Variants in AQR observed in about 807,000 individuals in gnomAD.
AQR encodes aquarius intron-binding spliceosomal factor.
AQR carries 61 observed loss-of-function variants against 180.5 expected under a neutral mutation model. That is an observed-to-expected ratio of 0.34 (90% CI 0.28 to 0.42). The LOEUF (loss-of-function observed/expected upper bound fraction) is 0.42, where lower values mean the gene tolerates loss of function less well. Among genes scored for constraint, AQR ranks in the 10% least tolerant of loss-of-function variants. The probability of loss-of-function intolerance (pLI) is 1.00; values close to 1 mark genes in which losing one functional copy is unlikely to be tolerated. For synonymous variants in AQR, 551 were observed against 588.8 expected, an observed-to-expected ratio of 0.94 and a Z score of 0.93; for missense variants, 1,281 against 1,798.3, an observed-to-expected ratio of 0.71 and a Z score of 5.20.
At chr15:34,937,712 C>G (rs1314279002) in intron 9 of AQR, among the ~76,000 whole-genome samples, 1 of 151,384 alleles carries the variant, frequency 6.6e-6, no homozygotes, top group Non-Finnish European at 1.5e-5. Flanking sequence ...GGTAAAACCT[C>G]GTCTCTACTA....
intron 6 of AQR, 101 bp downstream of exon 6, chr15:34,944,187 T>C: frequency 1.8e-6 from 2 of 1,139,198 alleles, no homozygotes; most frequent in Non-Finnish European, 1.2e-6. Context: ...TTGCCTGCTA[T>C]TATGGATGAA....
At position 34,857,045 on chromosome 15, in the gene AQR, G is replaced by A; in HGVS notation, c.4205C>T (p.Thr1402Ile). The A allele has an allele frequency of 1.9e-6, 3 of 1,610,302 alleles. No individual in the cohort carries two copies. The highest frequency in any genetic ancestry group is 2.5e-6 in the Non-Finnish European group (3 of 1,178,320). Reference protein sequence around the residue: ...EEGEEVQNQETELETEEEAMT... With the variant: ...EEGEEVQNQEIELETEEEAMT... ...GGCCTCTTCTTCTGTTTCCAATTCT[G>A]TTTCTTGATTTTGAACTTCCTCACC... is the stretch of plus-strand genomic sequence containing the variant. The change falls in exon 35 of 35, where the codon ACA (threonine) becomes ATA (isoleucine). Residue 1402 changes from threonine (T) to isoleucine (I), a missense_variant. Thr to Ile is a moderately conservative substitution (Grantham distance 89). This residue lies in a region of AQR where 182 missense variants were observed against 185.3 expected (regional missense o/e 0.98). Coordinates refer to ENST00000156471, the MANE Select transcript of AQR (RefSeq NM_014691.3).
At position 34,897,617 on chromosome 15, in the gene AQR, T is replaced by C; in HGVS notation, c.2332A>G (p.Ile778Val). Residue 778 changes from isoleucine to valine, a missense_variant, in exon 21 of 35, where the codon ATT becomes GTT. By Grantham distance (29) the Ile-to-Val change is conservative. Transcript: ENST00000156471. ...TTAGGAATAACATGGGGCTCAACAA[T>C]TAAGGTTTTTGCTTCCTCGGTGTCT... is the stretch of plus-strand genomic sequence containing the variant. ...DEDTEEAKTL[I>V]VEPHVIPNRG... The C allele has an allele frequency of 1.2e-6, 2 of 1,614,122 alleles. No individual in the cohort carries two copies. The highest frequency in any genetic ancestry group is 8.5e-7 in the Non-Finnish European group (1 of 1,179,994).
chr15:34,918,625 GTTACT>G (rs1225574452), intron 14 of AQR, among the ~76,000 whole-genome samples: 1 of 152,178 alleles, frequency 6.6e-6, no homozygotes, highest in Non-Finnish European at 1.5e-5. Context: ...AGCTGGGCAC[GTTACT>G]TTAACCTTCC....
Position 34,944,328 on chromosome 15 carries a change from G to C in AQR, c.431C>G (p.Thr144Arg), listed in dbSNP as rs928685073. 5 of 1,608,310 alleles carry C rather than the reference G, an allele frequency of 3.1e-6. No individual in the cohort carries two copies. The Admixed American group carries it at 5.1e-5, about 16-fold the overall frequency. The change falls in exon 6 of 35, where the codon ACA (threonine) becomes AGA (arginine). Residue 144 changes from threonine (T) to arginine (R), a missense_variant. Coordinates refer to ENST00000156471, the MANE Select transcript of AQR (RefSeq NM_014691.3). ...TDGEFSLHEQ[T>R]VLLLFLDHCF... ...ATGATCAAGAAAAAGTAGTAAGACT[G>C]TCTGTTCATGAAGTGAAAATTCACC...
chr15:34,862,922 G>A lies in AQR; in HGVS notation c.3974C>T (p.Ala1325Val). 1 of 1,613,920 alleles carries A rather than the reference G, an allele frequency of 6.2e-7. No homozygotes were observed. Among genetic ancestry groups the A allele is most frequent in the Non-Finnish European group, 8.5e-7 (1 of 1,179,880 alleles). Reference protein sequence around the residue: ...ELTPAFSQLTARPLHLHIIPT... With the variant: ...ELTPAFSQLTVRPLHLHIIPT... ...AATTATATGCAAATGAAGGGGGCGA[G>A]CTGTGAGCTGACTGAAAGCTGGAGT... Residue 1325 changes from alanine (A) to valine (V), a missense_variant, in exon 33 of 35, where the codon GCT becomes GTT. Ala to Val is a moderately conservative substitution (Grantham distance 64). This residue lies in a region of AQR where 197 missense variants were observed against 320.7 expected (regional missense o/e 0.61). Coordinates refer to ENST00000156471, the MANE Select transcript of AQR (RefSeq NM_014691.3).
At chr15:34,893,382 G>A (rs760426001) in intron 23 of AQR, among the ~76,000 whole-genome samples, 6 of 152,092 alleles carry the variant, frequency 3.9e-5, no homozygotes, top group Admixed American at 6.5e-5. Context: ...GGGTCCTCAC[G>A]GGAAACCAGG....
rs746809093 is a variant in AQR, at chr15:34,952,871, G to C, written c.209+14C>G. The C allele has an allele frequency of 6.8e-7, 1 of 1,464,310 alleles. No homozygotes were observed. Among genetic ancestry groups the C allele is most frequent in the African/African-American group, 1.4e-5 (1 of 70,690 alleles). 90.7% of individuals were successfully genotyped at this position (1,464,310 alleles called of 1,614,324 possible). The stretch of plus-strand genomic sequence containing the variant: ...ACATTATCTCTTTCATCAATGGAAT[G>C]CCTTATAACTTACCTAAATTCCAAG... On this transcript the variant is annotated intron_variant, in intron 4 of 34. Coordinates refer to ENST00000156471, the MANE Select transcript of AQR (RefSeq NM_014691.3).
chr15:34,920,483 A>C (rs1893667292), intron 13 of AQR, 49 bp from the exon 14 acceptor site: 1 of 1,350,064 alleles, frequency 7.4e-7, no homozygotes, highest in African/African-American at 1.5e-5. Context: ...ACTTCACTTC[A>C]CTTTTGAAAC....
intron 5 of AQR, among the ~76,000 whole-genome samples, 196 bp from the exon 6 acceptor site, chr15:34,944,624 T>C (rs1368088638): frequency 2.0e-5 from 3 of 152,226 alleles, no homozygotes; most frequent in African/African-American, 7.2e-5. Context: ...GACAGGACTA[T>C]GAGAGAGCTG....
At chr15:34,892,723 G>C (rs1893168925) in intron 23 of AQR, among the ~76,000 whole-genome samples, 1 of 152,156 alleles carries the variant, frequency 6.6e-6, no homozygotes, top group Non-Finnish European at 1.5e-5. Context: ...CCTAGCCTAT[G>C]TAAAACATGC....
intron 27 of AQR, among the ~76,000 whole-genome samples, chr15:34,881,711 T>G (rs938359098): frequency 1.3e-5 from 2 of 152,234 alleles, no homozygotes; most frequent in African/African-American, 2.4e-5. Context: ...GCTTTTCATT[T>G]GCTAAGTACA....
At position 34,853,793 on chromosome 15, in the gene AQR, C is replaced by T. The variant is rs1473039789; in HGVS notation, c.*2999G>A. 1 of 152,190 alleles carries T rather than the reference C, an allele frequency of 6.6e-6. No individual in the cohort carries two copies. The highest frequency in any genetic ancestry group is 6.5e-5 in the Admixed American group (1 of 15,280). 9.4% of individuals were successfully genotyped at this position (152,190 alleles called of 1,614,324 possible). On this transcript the variant is annotated 3_prime_UTR_variant, in exon 35 of 35. Transcript: ENST00000156471. ...ACAACTCTCCTGTCCCAAATCCAAA[C>T]AGATCTTTTTCCTTTATTTACAGAT...
At chr15:34,962,669 T>C (rs2050286739) in intron 2 of AQR, among the ~76,000 whole-genome samples, 1 of 151,522 alleles carries the variant, frequency 6.6e-6, no homozygotes, top group Non-Finnish European at 1.5e-5. Context: ...CTCAGGAGGC[T>C]GAGGCAGAAG....
chr15:34,953,168 T>C (rs1894258617), intron 3 of AQR, among the ~76,000 whole-genome samples: 1 of 152,228 alleles, frequency 6.6e-6, no homozygotes, highest in Non-Finnish European at 1.5e-5. Context: ...GACACATATC[T>C]ATATTGCAAA....
At position 34,856,940 on chromosome 15, in the gene AQR, G is replaced by A. The variant is rs1396797458; in HGVS notation, c.4310C>T (p.Thr1437Ile). 4 of 1,613,988 alleles carry A rather than the reference G, an allele frequency of 2.5e-6. No individual in the cohort carries two copies. In the African/African-American group the frequency reaches 5.3e-5, roughly 22 times the overall value. ...AGTGGCTCCTGTCTCACTGGGGGTG[G>A]TGTCAGTTTGAAAGGCTGGAGTTTC... ...RQETPAFQTD[T>I]TPSETGATST... The change falls in exon 35 of 35, where the codon ACC becomes ATC. Residue 1437 changes from threonine to isoleucine, a missense_variant. Coordinates refer to ENST00000156471, the MANE Select transcript of AQR (RefSeq NM_014691.3).
At chr15:34,863,075 C>T in intron 32 of AQR, 34 bp from the exon 33 acceptor site, 1 of 1,547,348 alleles carries the variant, frequency 6.5e-7, no homozygotes, top group East Asian at 2.3e-5. Context: ...TAGCACACTT[C>T]AAGATTATTA....
At chr15:34,881,604 T>G (rs113699376) in intron 27 of AQR, among the ~76,000 whole-genome samples, 4 of 152,186 alleles carry the variant, frequency 2.6e-5, no homozygotes, top group Non-Finnish European at 5.9e-5. Flanking sequence ...AGTCACAGAT[T>G]AACAGGTTAT....
At chr15:34,918,496 T>C (rs1893631365) in intron 14 of AQR, 118 bp from the exon 15 acceptor site, 1 of 1,226,938 alleles carries the variant, frequency 8.2e-7, no homozygotes, top group Admixed American at 2.7e-5. Flanking sequence ...AAGCGATTTT[T>C]TTTTCTTTTC....
Sources: allele counts gnomAD v4.1 joint callset (sites outside exome capture counted in the v4.1 genomes callset), GRCh38; gene constraint gnomAD v4.1.1; regional missense constraint gnomAD v4.1.1; transcripts MANE v1.5; gene names NCBI Gene and HGNC (gene_info 2026-07-23, HGNC 2026-07-21).